The following CHCHD6 variants were observed in gnomAD, a reference collection of about 807,000 sequenced individuals.
The protein encoded by CHCHD6 is MICOS complex subunit MIC25.
CHCHD6 carries 28 observed loss-of-function variants against 32.3 expected under a neutral mutation model. The ratio of observed to expected loss-of-function variants is 0.87; its 90% CI spans 0.64 to 1.19. The LOEUF (loss-of-function observed/expected upper bound fraction) is 1.19. CHCHD6 is among the 50% of genes most tolerant of loss of function. CHCHD6 has a pLI of 0.00. For synonymous variants in CHCHD6, 122 were observed against 117.5 expected (o/e 1.04, Z -0.25); for missense variants, 333 against 307.0 (o/e 1.08, Z -0.63).
rs567182150 is a variant in CHCHD6 at position 126,718,492 on chromosome 3, G to A, written c.88-8586G>A. Among the ~76,000 whole-genome samples, 8 of 152,346 alleles carry A rather than the reference G, an allele frequency of 5.3e-5. No homozygotes were observed. The South Asian group carries it at 1.7e-3, about 32-fold the overall frequency. ...CTGGCCAAGGTCACACAGCTGGTAT[G>A]CAGCTTAGCTGGGATTCAAACCTGG... is the stretch of plus-strand genomic sequence containing the variant. On this transcript the variant is annotated intron_variant, in intron 1 of 7. Coordinates refer to ENST00000290913, the MANE Select transcript of CHCHD6 (RefSeq NM_032343.3).
intron 4 of CHCHD6, among the ~76,000 whole-genome samples, chr3:126,753,419 T>A (rs1269338457): frequency 6.6e-6 from 1 of 152,156 alleles, no homozygotes; most frequent in Non-Finnish European, 1.5e-5. Context: ...TGGGTGCAGA[T>A]CATTCCAAAG....
intron 4 of CHCHD6, among the ~76,000 whole-genome samples, chr3:126,824,018 T>G (rs1454079320): frequency 6.6e-6 from 1 of 152,138 alleles, no homozygotes; most frequent in African/African-American, 2.4e-5. Flanking sequence ...GAGGCTACAG[T>G]GAGCTATAAT....
rs1470890756 is a variant in CHCHD6 at position 126,704,375 on chromosome 3, G to A, written c.63G>A (p.Arg21=). The change falls in exon 1 of 8, where the codon CGG becomes CGA. Residue 21 remains arginine (R), a synonymous_variant. Transcript: ENST00000290913. ...CCTTCGGAGTGGACGAGGAGGAGCG[G>A]GTCCGGGTGCTGCAGGGTGTCCGGG... ...RVSFGVDEEE[R]VRVLQGVRLS... The A allele has an allele frequency of 2.0e-5, 31 of 1,575,316 alleles. No individual in the cohort carries two copies. Among genetic ancestry groups the A allele is most frequent in the East Asian group, 1.6e-4 (7 of 42,776 alleles).
chr3:126,737,292 C>G (rs1370688169), intron 4 of CHCHD6, among the ~76,000 whole-genome samples: 2 of 151,750 alleles, frequency 1.3e-5, no homozygotes, highest in Admixed American at 1.3e-4. Context: ...GCACTCCAGC[C>G]TGGGCGACAC....
intron 5 of CHCHD6, among the ~76,000 whole-genome samples, chr3:126,890,291 C>T (rs768628950): frequency 2.0e-5 from 3 of 152,162 alleles, no homozygotes; most frequent in African/African-American, 4.8e-5. Context: ...CCTTCATGAG[C>T]GGGTAGGGCC....
chr3:126,832,391 C>T (rs1940681317), intron 4 of CHCHD6, among the ~76,000 whole-genome samples: 1 of 152,062 alleles, frequency 6.6e-6, no homozygotes. Flanking sequence ...GGCAGAGCAC[C>T]TTCATCTGCA....
chr3:126,718,646 A>C (rs1039580111), intron 1 of CHCHD6, among the ~76,000 whole-genome samples: 28 of 152,200 alleles, frequency 1.8e-4, no homozygotes, highest in Non-Finnish European at 4.4e-5. Flanking sequence ...AGCACCACGC[A>C]GCTGGAGGGT....
chr3:126,748,830 G>C (rs1405186080), intron 4 of CHCHD6, among the ~76,000 whole-genome samples: 1 of 152,116 alleles, frequency 6.6e-6, no homozygotes, highest in Non-Finnish European at 1.5e-5. Flanking sequence ...GGGCTGGGCT[G>C]GCCATCCAGA....
intron 6 of CHCHD6, 152 bp from the exon 7 acceptor site, chr3:126,957,264 C>T: frequency 1.2e-6 from 1 of 849,290 alleles, no homozygotes; most frequent in East Asian, 2.7e-5. Flanking sequence ...AACGGGAAAG[C>T]ACAGTGCTTC....
chr3:126,890,506 G>A (rs1360953818), intron 5 of CHCHD6, among the ~76,000 whole-genome samples: 3 of 152,160 alleles, frequency 2.0e-5, no homozygotes, highest in Non-Finnish European at 4.4e-5. Flanking sequence ...AGGACTCTGC[G>A]AGGCCCCTGG....
intron 4 of CHCHD6, among the ~76,000 whole-genome samples, chr3:126,748,040 T>G (rs1285096916): frequency 6.6e-6 from 1 of 152,062 alleles, no homozygotes; most frequent in African/African-American, 2.4e-5. Context: ...CTCTCCTCCT[T>G]GCTTCCTCTC....
intron 4 of CHCHD6, among the ~76,000 whole-genome samples, chr3:126,773,001 G>T (rs530869798): frequency 1.6e-4 from 24 of 152,202 alleles, no homozygotes; most frequent in African/African-American, 5.3e-4. Context: ...TAGTTTGGCT[G>T]GATATGAAAT....
intron 5 of CHCHD6, among the ~76,000 whole-genome samples, chr3:126,871,112 C>T (rs1369889513): frequency 6.6e-6 from 1 of 152,138 alleles, no homozygotes; most frequent in Non-Finnish European, 1.5e-5. Context: ...CTCATATCAG[C>T]GTTTGATTCA....
intron 6 of CHCHD6, among the ~76,000 whole-genome samples, chr3:126,947,347 A>G (rs140894685): frequency 1.8e-4 from 27 of 152,350 alleles, no homozygotes; most frequent in East Asian, 1.2e-3. Context: ...CGGCTGCCCA[A>G]TGGGAGTTGG....
At chr3:126,953,090 C>T in intron 6 of CHCHD6, 1 of 985,576 alleles carries the variant, frequency 1.0e-6, no homozygotes. Context: ...CATTCTCCTG[C>T]CATCCTCTCA....
At chr3:126,819,569 A>T (rs1940064506) in intron 4 of CHCHD6, among the ~76,000 whole-genome samples, 1 of 152,204 alleles carries the variant, frequency 6.6e-6, no homozygotes, top group Admixed American at 6.5e-5. Flanking sequence ...CCATGGAGGT[A>T]TGGAAGCCAG....
chr3:126,893,051 G>A (rs555788811), intron 5 of CHCHD6, among the ~76,000 whole-genome samples: 2 of 151,786 alleles, frequency 1.3e-5, no homozygotes, highest in South Asian at 2.1e-4. Context: ...TCACTGCAAC[G>A]TCCACCACCT....
chr3:126,895,824 C>A (rs1239467228), intron 5 of CHCHD6, among the ~76,000 whole-genome samples: 1 of 152,206 alleles, frequency 6.6e-6, no homozygotes, highest in East Asian at 1.9e-4. Flanking sequence ...GAGTGAAAGC[C>A]TTCTGAAAGG....
At chr3:126,759,555 A>G (rs1052636026) in intron 4 of CHCHD6, among the ~76,000 whole-genome samples, 25 of 152,176 alleles carry the variant, frequency 1.6e-4, no homozygotes, top group African/African-American at 6.0e-4. Flanking sequence ...TGACATTGAT[A>G]TTGAAGAACC....
Sources: gnomAD v4.1 joint callset for allele counts (sites outside exome capture counted in the v4.1 genomes callset) on GRCh38, gnomAD v4.1.1 for gene constraint, MANE v1.5 for transcripts, NCBI Gene and HGNC (gene_info 2026-07-23, HGNC 2026-07-21) for gene names.